Variants in ROBO1 observed in about 807,000 individuals in gnomAD.
The protein encoded by ROBO1 is roundabout homolog 1.
Under a neutral mutation model 195.9 loss-of-function variants are expected in ROBO1, and 149 were observed. That is an observed-to-expected ratio of 0.76 (90% CI 0.67 to 0.87). The LOEUF (loss-of-function observed/expected upper bound fraction) is 0.87, where lower values mean the gene tolerates loss of function less well. Among genes scored for constraint, ROBO1 ranks in the 40% least tolerant of loss-of-function variants. ROBO1 has a pLI of 0.00. For synonymous variants in ROBO1, 816 were observed against 733.2 expected (o/e 1.11, Z -1.82); for missense variants, 1,933 against 2,068.3 (o/e 0.93, Z 1.27).
At chr3:79,243,617 C>A (rs988302324) in intron 2 of ROBO1, among the ~76,000 whole-genome samples, 6 of 152,108 alleles carry the variant, frequency 3.9e-5, no homozygotes, top group Non-Finnish European at 5.9e-5. Context: ...TGTCTTTTGG[C>A]TGCATAAATG....
At chr3:79,255,409 T>C (rs2082813243) in intron 2 of ROBO1, among the ~76,000 whole-genome samples, 1 of 152,146 alleles carries the variant, frequency 6.6e-6, no homozygotes, top group Admixed American at 6.6e-5. Flanking sequence ...CACATCACTG[T>C]TCTTCTTTTC....
At position 78,940,418 on chromosome 3, in the gene ROBO1, C is replaced by T. The variant is rs575655159; in HGVS notation, c.173-1491G>A. ...CTTAAAATAAACTTACTGCTCTTAACGTAAGTCTTTAACTAGACCTACAAG... is the reference window on the plus strand; with the variant it reads ...CTTAAAATAAACTTACTGCTCTTAATGTAAGTCTTTAACTAGACCTACAAG... On this transcript the variant is annotated intron_variant, in intron 3 of 30. Transcript: ENST00000464233. Among the ~76,000 whole-genome samples, 295 of 152,300 alleles carry T rather than the reference C, an allele frequency of 1.9e-3. 1 individual carries two copies. Among genetic ancestry groups the T allele is most frequent in the African/African-American group, 6.9e-3 (285 of 41,562 alleles).
chr3:79,045,129 T>C (rs1484271821), intron 3 of ROBO1, among the ~76,000 whole-genome samples: 1 of 151,466 alleles, frequency 6.6e-6, no homozygotes, highest in East Asian at 1.9e-4. Flanking sequence ...GATGCCAAAA[T>C]AAAAAATAAA....
At chr3:79,316,630 G>A (rs2033748832) in intron 2 of ROBO1, among the ~76,000 whole-genome samples, 1 of 152,062 alleles carries the variant, frequency 6.6e-6, no homozygotes, top group Non-Finnish European at 1.5e-5. Context: ...TAATCTTAGG[G>A]GTGAGAACTT....
chr3:78,996,540 T>C (rs1371170631), intron 3 of ROBO1, among the ~76,000 whole-genome samples: 1 of 151,920 alleles, frequency 6.6e-6, no homozygotes, highest in Non-Finnish European at 1.5e-5. Flanking sequence ...TCTTATAGTG[T>C]CTCATCCTCA....
intron 2 of ROBO1, among the ~76,000 whole-genome samples, chr3:79,312,995 A>G (rs2033557701): frequency 6.6e-6 from 1 of 152,118 alleles, no homozygotes; most frequent in Non-Finnish European, 1.5e-5. Flanking sequence ...TAATTTTTAA[A>G]AAGTATGATA....
intron 3 of ROBO1, among the ~76,000 whole-genome samples, chr3:78,987,184 A>AAC (rs2077127848): frequency 6.6e-6 from 1 of 151,538 alleles, no homozygotes; most frequent in South Asian, 2.1e-4. Context: ...AGGAAAGAGT[A>AAC]ACACGTTTTA....
chr3:78,782,499 T>C (rs1221006144), intron 4 of ROBO1, among the ~76,000 whole-genome samples: 1 of 152,026 alleles, frequency 6.6e-6, no homozygotes, highest in Non-Finnish European at 1.5e-5. Context: ...GCCTGGCCCA[T>C]AAATTGAAAT....
intron 2 of ROBO1, among the ~76,000 whole-genome samples, chr3:79,352,045 G>A (rs1368344097): frequency 2.0e-5 from 3 of 152,054 alleles, no homozygotes; most frequent in Admixed American, 6.6e-5. Context: ...TCCCAACAAA[G>A]GTAATTTTGA....
At chr3:79,321,413 T>A (rs971504068) in intron 2 of ROBO1, among the ~76,000 whole-genome samples, 1 of 152,232 alleles carries the variant, frequency 6.6e-6, no homozygotes, top group Non-Finnish European at 1.5e-5. Flanking sequence ...GTGCTCTGAT[T>A]GCTTTTATTT....
intron 1 of ROBO1, among the ~76,000 whole-genome samples, chr3:79,682,037 T>C: frequency 6.6e-6 from 1 of 151,976 alleles, no homozygotes; most frequent in Admixed American, 6.6e-5. Context: ...TCAAGCAAAA[T>C]GTAATTTTCT....
In ROBO1 at chr3:79,353,450, C is replaced by T. The variant is rs553190781; in HGVS notation, c.89-227911G>A. 4.6e-5 allele frequency among the ~76,000 whole-genome samples: 7 copies of T among 151,758 alleles called. No homozygotes were observed. The South Asian group carries it at 6.2e-4, about 14-fold the overall frequency. ...ACACACGCACAGAAGCACACATGTACGCAAAAATAATTTCCAAGTAGGGAA... is the reference window on the plus strand; with the variant it reads ...ACACACGCACAGAAGCACACATGTATGCAAAAATAATTTCCAAGTAGGGAA... On this transcript the variant is annotated intron_variant, in intron 2 of 30. Coordinates refer to ENST00000464233, the MANE Select transcript of ROBO1 (RefSeq NM_002941.4).
Position 78,828,927 on chromosome 3 carries a change from A to G in ROBO1, c.500-82027T>C, listed in dbSNP as rs145045597. On this transcript the variant is annotated intron_variant, in intron 4 of 30. Transcript: ENST00000464233. ...TTTACCAACTAGCTAACTATAGAAA[A>G]AAAACTTTCATATATTCTCATAATA... 4.7e-4 allele frequency among the ~76,000 whole-genome samples: 71 copies of G among 152,344 alleles called. 1 individual carries two copies. In the East Asian group the frequency reaches 0.013, roughly 29 times the overall value.
chr3:79,480,498 G>C (rs1334570841), intron 2 of ROBO1, among the ~76,000 whole-genome samples: 1 of 151,978 alleles, frequency 6.6e-6, no homozygotes, highest in African/African-American at 2.4e-5. Flanking sequence ...GATGGGCTAG[G>C]TAAATTTTTT....
chr3:78,696,735 TACATATATATATAC>T (rs1175436812), intron 8 of ROBO1, among the ~76,000 whole-genome samples: 7 of 145,398 alleles, frequency 4.8e-5, no homozygotes, highest in Non-Finnish European at 8.9e-5. Context: ...CATGTATATA[TACATATATATATAC>T]ACATATATAT....
chr3:78,609,194 T>G (rs2107313042), intron 28 of ROBO1, among the ~76,000 whole-genome samples: 1 of 152,230 alleles, frequency 6.6e-6, no homozygotes, highest in East Asian at 1.9e-4. Context: ...GATTTTAAAT[T>G]AAAAAAATAC....
At chr3:78,883,633 T>G (rs1158577933) in intron 4 of ROBO1, among the ~76,000 whole-genome samples, 2 of 152,188 alleles carry the variant, frequency 1.3e-5, no homozygotes, top group Non-Finnish European at 2.9e-5. Flanking sequence ...GTGCTGAGAT[T>G]ATAGGCATGA....
intron 2 of ROBO1, among the ~76,000 whole-genome samples, chr3:79,173,860 C>G (rs1023444540): frequency 6.6e-6 from 1 of 152,144 alleles, no homozygotes; most frequent in Non-Finnish European, 1.5e-5. Context: ...CACTCTGTAT[C>G]TAGCTCAAGG....
At chr3:78,671,805 G>A (rs964624097) in intron 10 of ROBO1, among the ~76,000 whole-genome samples, 1 of 152,040 alleles carries the variant, frequency 6.6e-6, no homozygotes, top group Admixed American at 6.6e-5. Context: ...TAGAAGAATG[G>A]TTTAAATTTG....
Sources: gnomAD v4.1 joint callset for allele counts (sites outside exome capture counted in the v4.1 genomes callset) on GRCh38, gnomAD v4.1.1 for gene constraint, MANE v1.5 for transcripts, NCBI Gene and HGNC (gene_info 2026-07-23, HGNC 2026-07-21) for gene names.